The following PIK3C2B variants were observed in gnomAD, a reference collection of about 807,000 sequenced individuals.
PIK3C2B encodes the protein phosphatidylinositol 4-phosphate 3-kinase C2 domain-containing subunit beta.
A neutral mutation model predicts 184.3 loss-of-function variants in PIK3C2B; 83 were observed. The observed-to-expected ratio is 0.45, with a 90% CI of 0.38 to 0.54. The LOEUF (loss-of-function observed/expected upper bound fraction) is 0.54. Ranked by LOEUF, PIK3C2B falls within the 20% of genes least tolerant of loss-of-function variation. PIK3C2B has a pLI of 0.00. For synonymous variants in PIK3C2B, 779 were observed against 837.6 expected, an observed-to-expected ratio of 0.93 and a Z score of 1.21; for missense variants, 1,736 against 2,113.5, an observed-to-expected ratio of 0.82 and a Z score of 3.50.
At chr1:204,485,516 A>G (rs1023550424) in intron 1 of PIK3C2B, among the ~76,000 whole-genome samples, 4 of 151,576 alleles carry the variant, frequency 2.6e-5, no homozygotes, top group African/African-American at 9.7e-5. Context: ...CCCCTAAAGT[A>G]TCTGCTCTCC....
chr1:204,475,149 T>C (rs1656617017), intron 1 of PIK3C2B, among the ~76,000 whole-genome samples: 1 of 152,190 alleles, frequency 6.6e-6, no homozygotes, highest in African/African-American at 2.4e-5. Flanking sequence ...GGGCTCTTCC[T>C]AAAATGTAAA....
chr1:204,443,364 G>T, intron 19 of PIK3C2B, 53 bp downstream of exon 19: 1 of 1,531,056 alleles, frequency 6.5e-7, no homozygotes. Flanking sequence ...AGAAGAAACT[G>T]GCTGCCAAAG....
intron 28 of PIK3C2B, among the ~76,000 whole-genome samples, chr1:204,430,309 T>C (rs1674972470): frequency 6.6e-6 from 1 of 151,470 alleles, no homozygotes; most frequent in South Asian, 2.1e-4. Context: ...TCCCCAGAAA[T>C]GGCTCGGGAG....
chr1:204,469,254 G>A lies in PIK3C2B; in HGVS notation c.549C>T (p.Ile183=), dbSNP rs1428141181. The A allele has an allele frequency of 6.4e-7, 1 of 1,572,244 alleles. No individual in the cohort carries two copies. The highest frequency in any genetic ancestry group is 8.6e-7 in the Non-Finnish European group (1 of 1,157,254). The stretch of plus-strand genomic sequence containing the variant: ...AAGTGTTGATGTCACTGGGCTGGGA[G>A]ATCTTGGAGGATGAGGGGGACCCCT... ...PRKGSPSSSK[I]SQPSDINTFS... is the part of the protein sequence containing the mutation. The change falls in exon 2 of 33, where the codon ATC becomes ATT. Residue 183 remains isoleucine, a synonymous_variant. Transcript: ENST00000684373.
At chr1:204,426,405 G>A (rs1173269444) in intron 31 of PIK3C2B, among the ~76,000 whole-genome samples, 1 of 152,164 alleles carries the variant, frequency 6.6e-6, no homozygotes, top group Non-Finnish European at 1.5e-5. Flanking sequence ...AGATCTAACT[G>A]CTCCCTTTGC....
chr1:204,467,833 C>CCAAAAAAA (rs1553307747), intron 2 of PIK3C2B, among the ~76,000 whole-genome samples: 1 of 88,566 alleles, frequency 1.1e-5, no homozygotes, highest in East Asian at 3.1e-4. Flanking sequence ...GACTCTGTCT[C>CCAAAAAAA]AAAAAAAAAA....
chr1:204,468,455 T>A (rs1427583267), intron 2 of PIK3C2B, among the ~76,000 whole-genome samples: 1 of 152,178 alleles, frequency 6.6e-6, no homozygotes, highest in African/African-American at 2.4e-5. Context: ...ATGATCTTCA[T>A]CGCCACGCAG....
chr1:204,428,325 C>T (rs957128345), intron 29 of PIK3C2B, 105 bp from the exon 30 acceptor site: 1 of 689,474 alleles, frequency 1.5e-6, no homozygotes, highest in Admixed American at 2.5e-5. Flanking sequence ...AATATAACAA[C>T]CAACAACATG....
intron 13 of PIK3C2B, 70 bp downstream of exon 13, chr1:204,449,780 G>T: frequency 7.1e-7 from 1 of 1,415,462 alleles, no homozygotes; most frequent in Non-Finnish European, 9.5e-7. Flanking sequence ...CAGTGCAGCA[G>T]CCAGGCCCCT....
intron 15 of PIK3C2B, 97 bp from the exon 16 acceptor site, chr1:204,446,241 G>C: frequency 1.3e-6 from 1 of 753,218 alleles, no homozygotes. Flanking sequence ...CCTCAAGGGA[G>C]TGCTGCACAC....
rs1453062543 is a variant in PIK3C2B at position 204,423,829 on chromosome 1, A to G, written c.*1023T>C. On this transcript the variant is annotated 3_prime_UTR_variant, in exon 33 of 33. Transcript: ENST00000684373. Reference sequence around the variant, plus strand: ...AGAGGCTACCTAGCAAGCAGTCAGTAGCATCTGCAGCCTAGGGACCTCTTC... The same window carrying G: ...AGAGGCTACCTAGCAAGCAGTCAGTGGCATCTGCAGCCTAGGGACCTCTTC... 6.6e-6 allele frequency: 1 copy of G among 152,650 alleles called. No individual in the cohort carries two copies. The highest frequency in any genetic ancestry group is 1.5e-5 in the Non-Finnish European group (1 of 68,082). The allele number at this position is 152,650 out of a possible 1,614,324, so 9.5% of individuals were successfully genotyped here.
intron 21 of PIK3C2B, among the ~76,000 whole-genome samples, chr1:204,440,756 C>A (rs1014328672): frequency 8.2e-6 from 1 of 122,070 alleles, no homozygotes; most frequent in East Asian, 2.3e-4. Flanking sequence ...GCCACCACGC[C>A]CAGCTAATTT....
intron 1 of PIK3C2B, among the ~76,000 whole-genome samples, chr1:204,486,484 AT>A (rs531058665): frequency 1.7e-3 from 257 of 151,908 alleles, no homozygotes; most frequent in African/African-American, 5.8e-3. Context: ...TAATTCCAGC[AT>A]TTTGGGAGGC....
chr1:204,434,439 C>T lies in PIK3C2B; in HGVS notation c.3686G>A (p.Arg1229Gln). The change falls in exon 24 of 33, where the codon CGG becomes CAG. Residue 1229 changes from arginine (R) to glutamine (Q), a missense_variant and splice_region_variant. Physicochemically the swap from Arg to Gln is conservative, Grantham distance 43. Around this residue, in one of 8 missense-constraint regions of PIK3C2B, gnomAD observed 119 missense variants for 179.3 expected, o/e 0.66. Coordinates refer to ENST00000684373, the MANE Select transcript of PIK3C2B (RefSeq NM_001377334.1). ...AATCTGGCTTCAGGAGATCACTTAC[C>T]GCTTGATGTTGCCAAACATCTGGGC... ...GHAQMFGNIKRDRAPFVFTSD... is the reference protein window; with the variant it reads ...GHAQMFGNIKQDRAPFVFTSD... The T allele has an allele frequency of 6.2e-7, 1 of 1,613,926 alleles. No individual in the cohort carries two copies. The highest frequency in any genetic ancestry group is 1.1e-5 in the South Asian group (1 of 90,998).
chr1:204,468,985 G>T lies in PIK3C2B; in HGVS notation c.818C>A (p.Pro273His), dbSNP rs61740701. Residue 273 changes from proline (P) to histidine (H), a missense_variant, in exon 2 of 33, where the codon CCC becomes CAC. This residue lies in a region of PIK3C2B where 404 missense variants were observed against 418.0 expected (regional missense o/e 0.97). Coordinates refer to ENST00000684373, the MANE Select transcript of PIK3C2B (RefSeq NM_001377334.1). ...LDFSKDTSGKPVARSKTMPPQ... is the reference protein window; with the variant it reads ...LDFSKDTSGKHVARSKTMPPQ... Reference sequence around the variant, plus strand: ...GGGCATAGTCTTGCTCCTGGCCACGGGTTTTCCAGAGGTGTCTTTGCTGAA... The same window carrying T: ...GGGCATAGTCTTGCTCCTGGCCACGTGTTTTCCAGAGGTGTCTTTGCTGAA... The T allele has an allele frequency of 7.2e-3, 11,560 of 1,614,200 alleles. 47 individuals carry two copies. The highest frequency in any genetic ancestry group is 7.9e-3 in the Non-Finnish European group (9,300 of 1,180,022).
At chr1:204,451,168 G>T (rs1654317408) in intron 12 of PIK3C2B, among the ~76,000 whole-genome samples, 1 of 152,228 alleles carries the variant, frequency 6.6e-6, no homozygotes, top group Non-Finnish European at 1.5e-5. Context: ...CTTGGCTGGA[G>T]GTGACAAAGC....
Position 204,456,056 on chromosome 1 carries a change from G to A in PIK3C2B, c.1748-5C>T. On this transcript the variant is annotated splice_polypyrimidine_tract_variant and splice_region_variant and intron_variant, in intron 10 of 32. Transcript: ENST00000684373. ...TCAGGGCTTCCACGACCTTCTCTGG[G>A]AAGGGAAGGGGTCAGAAGGGAAAGT... 1 of 1,610,846 alleles carries A rather than the reference G, an allele frequency of 6.2e-7. No homozygotes were observed. Among genetic ancestry groups the A allele is most frequent in the Non-Finnish European group, 8.5e-7 (1 of 1,177,648 alleles).
intron 13 of PIK3C2B, among the ~76,000 whole-genome samples, 192 bp downstream of exon 13, chr1:204,449,658 G>A (rs1231454006): frequency 3.3e-5 from 5 of 152,166 alleles, no homozygotes; most frequent in South Asian, 2.1e-4. Flanking sequence ...CACCAGAACC[G>A]CTCAGTGGCT....
At chr1:204,435,755 A>G (rs1205305620) in intron 23 of PIK3C2B, 1 of 152,210 alleles carries the variant, frequency 6.6e-6, no homozygotes, top group East Asian at 1.9e-4. Flanking sequence ...CTAGCTCCAC[A>G]CAGAATGCAC....
Sources: gnomAD v4.1 joint callset for allele counts (sites outside exome capture counted in the v4.1 genomes callset) on GRCh38, gnomAD v4.1.1 for gene constraint, gnomAD v4.1.1 regional missense constraint, MANE v1.5 for transcripts, NCBI Gene and HGNC (gene_info 2026-07-23, HGNC 2026-07-21) for gene names.